Variants in TAFA2 observed in about 807,000 individuals in gnomAD.
TAFA2 encodes chemokine-like protein TAFA-2.
TAFA2 carries 7 observed loss-of-function variants against 18.8 expected under a neutral mutation model. The ratio of observed to expected loss-of-function variants is 0.37; its 90% CI spans 0.21 to 0.70. TAFA2 has a LOEUF of 0.70. TAFA2 is among the 30% of genes least tolerant of loss of function. TAFA2 has a pLI of 0.53. For synonymous variants in TAFA2, 60 were observed against 54.2 expected, an observed-to-expected ratio of 1.11 and a Z score of -0.47; for missense variants, 122 against 158.1, an observed-to-expected ratio of 0.77 and a Z score of 1.23.
intron 2 of TAFA2, among the ~76,000 whole-genome samples, chr12:61,807,006 G>A (rs1385598277): frequency 6.6e-6 from 1 of 152,064 alleles, no homozygotes; most frequent in Non-Finnish European, 1.5e-5. Flanking sequence ...CCCATTCTCT[G>A]AGGAGAAATT....
intron 1 of TAFA2, among the ~76,000 whole-genome samples, chr12:62,212,528 C>G (rs2062718371): frequency 6.6e-6 from 1 of 152,158 alleles, no homozygotes; most frequent in Non-Finnish European, 1.5e-5. Context: ...TATAGCTGAG[C>G]CTACCAAAGT....
intron 1 of TAFA2, among the ~76,000 whole-genome samples, chr12:61,973,815 T>C (rs1243289489): frequency 6.6e-6 from 1 of 151,730 alleles, no homozygotes; most frequent in African/African-American, 2.4e-5. Context: ...GGTTAAATTG[T>C]AATCCTTGGG....
At chr12:61,740,258 CT>C (rs1225443319) in intron 4 of TAFA2, among the ~76,000 whole-genome samples, 1 of 151,928 alleles carries the variant, frequency 6.6e-6, no homozygotes, top group African/African-American at 2.4e-5. Flanking sequence ...CATGTTCTCA[CT>C]CATAAGTGGG....
chr12:62,204,219 C>T (rs980959471), intron 1 of TAFA2, among the ~76,000 whole-genome samples: 28 of 152,064 alleles, frequency 1.8e-4, no homozygotes, highest in African/African-American at 5.3e-4. Context: ...GTGAGTCTGA[C>T]GAACTTGCCT....
intron 1 of TAFA2, among the ~76,000 whole-genome samples, chr12:61,913,585 G>C (rs970970021): frequency 1.3e-5 from 2 of 152,202 alleles, no homozygotes; most frequent in African/African-American, 4.8e-5. Context: ...AGCCAGGAGG[G>C]TGTGAATCAC....
chr12:61,771,324 A>T lies in TAFA2; in HGVS notation c.107-16300T>A, dbSNP rs143184157. Among the ~76,000 whole-genome samples the T allele has an allele frequency of 4.7e-3, 722 of 152,168 alleles. 9 individuals carry two copies. Among genetic ancestry groups the T allele is most frequent in the African/African-American group, 0.017 (690 of 41,548 alleles). The stretch of plus-strand genomic sequence containing the variant: ...ACTGACAGCACTAGACAGGTCATCA[A>T]GACAGAAAGCCAAGAAAGAAACAAT... On this transcript the variant is annotated intron_variant, in intron 2 of 4. Coordinates refer to ENST00000416284, the MANE Select transcript of TAFA2 (RefSeq NM_178539.5).
At chr12:61,741,647 C>G (rs963604971) in intron 4 of TAFA2, among the ~76,000 whole-genome samples, 13 of 152,030 alleles carry the variant, frequency 8.6e-5, no homozygotes, top group African/African-American at 3.1e-4. Context: ...TTTCGTGGCA[C>G]TTACACAAAC....
intron 1 of TAFA2, among the ~76,000 whole-genome samples, chr12:62,172,290 G>T (rs759695969): frequency 6.6e-6 from 1 of 151,848 alleles, no homozygotes; most frequent in Non-Finnish European, 1.5e-5. Context: ...AATGTGCCAG[G>T]AAATGTGCAA....
intron 1 of TAFA2, among the ~76,000 whole-genome samples, chr12:61,947,462 A>T (rs1036985975): frequency 1.3e-5 from 2 of 151,300 alleles, no homozygotes; most frequent in Non-Finnish European, 2.9e-5. Flanking sequence ...TATAATTTAA[A>T]AAATAAATAA....
At chr12:62,210,185 C>A (rs376805069) in intron 1 of TAFA2, among the ~76,000 whole-genome samples, 7 of 144,330 alleles carry the variant, frequency 4.8e-5, no homozygotes, top group Non-Finnish European at 9.1e-5. Flanking sequence ...GACTCTGTCT[C>A]TAAATAAATA....
At chr12:61,935,962 C>T (rs908636390) in intron 1 of TAFA2, among the ~76,000 whole-genome samples, 5 of 152,030 alleles carry the variant, frequency 3.3e-5, no homozygotes, top group African/African-American at 1.2e-4. Flanking sequence ...TGAAACTATC[C>T]TAAAAGATTA....
intron 1 of TAFA2, among the ~76,000 whole-genome samples, chr12:62,236,431 AT>A (rs1248363724): frequency 6.6e-6 from 1 of 151,778 alleles, no homozygotes; most frequent in Non-Finnish European, 1.5e-5. Flanking sequence ...TGCCTGGCTA[AT>A]TTTTTTGTAT....
At chr12:62,016,147 G>A (rs1035879076) in intron 1 of TAFA2, among the ~76,000 whole-genome samples, 8 of 152,198 alleles carry the variant, frequency 5.3e-5, no homozygotes, top group African/African-American at 1.9e-4. Flanking sequence ...CCATGCACAT[G>A]TACAGAACTC....
chr12:62,166,371 T>C (rs1029715537), intron 1 of TAFA2, among the ~76,000 whole-genome samples: 7 of 152,180 alleles, frequency 4.6e-5, no homozygotes, highest in Non-Finnish European at 8.8e-5. Context: ...ACATGTAGTT[T>C]TAGCCTTTGA....
chr12:61,940,817 C>T (rs184906015), intron 1 of TAFA2, among the ~76,000 whole-genome samples: 50 of 152,138 alleles, frequency 3.3e-4, no homozygotes, highest in Non-Finnish European at 5.9e-4. Flanking sequence ...CAGTGAATGC[C>T]GCTGAATGCC....
chr12:62,073,046 G>A (rs1282387947), intron 1 of TAFA2, among the ~76,000 whole-genome samples: 1 of 152,190 alleles, frequency 6.6e-6, no homozygotes, highest in Non-Finnish European at 1.5e-5. Flanking sequence ...CAGCACAGAG[G>A]ACAGAGCAAG....
intron 1 of TAFA2, among the ~76,000 whole-genome samples, chr12:62,151,975 T>G (rs908333383): frequency 6.6e-6 from 1 of 152,216 alleles, no homozygotes; most frequent in African/African-American, 2.4e-5. Flanking sequence ...GGGAAAACCA[T>G]GGAAAGCTGT....
At chr12:62,210,090 G>A (rs917980243) in intron 1 of TAFA2, among the ~76,000 whole-genome samples, 9 of 151,978 alleles carry the variant, frequency 5.9e-5, no homozygotes, top group Admixed American at 5.9e-4. Flanking sequence ...GGAGGCTAAG[G>A]CAGAAAAATG....
At chr12:62,091,719 T>C (rs1028491017) in intron 1 of TAFA2, among the ~76,000 whole-genome samples, 1 of 151,976 alleles carries the variant, frequency 6.6e-6, no homozygotes, top group Admixed American at 6.6e-5. Flanking sequence ...CCCTAGGTGA[T>C]CCCAGACCCA....
Sources: gnomAD v4.1 joint callset for allele counts (sites outside exome capture counted in the v4.1 genomes callset) on GRCh38, gnomAD v4.1.1 for gene constraint, MANE v1.5 for transcripts, NCBI Gene and HGNC (gene_info 2026-07-23, HGNC 2026-07-21) for gene names.